Variants in GATAD2A observed in about 807,000 individuals in gnomAD.
GATAD2A encodes the protein transcriptional repressor p66-alpha.
GATAD2A carries 12 observed loss-of-function variants against 68.5 expected under a neutral mutation model. That is an observed-to-expected ratio of 0.18 (90% confidence interval 0.11 to 0.28). The LOEUF is 0.28. Ranked by LOEUF, GATAD2A falls within the 10% of genes least tolerant of loss-of-function variation. The pLI is 1.00. For missense variants in GATAD2A, 755 were observed against 868.5 expected (o/e 0.87, Z 1.64); for synonymous variants, 410 against 375.3 (o/e 1.09, Z -1.07).
chr19:19,427,390 C>G (rs2053223281), intron 1 of GATAD2A: 1 of 131,902 alleles, frequency 7.6e-6, no homozygotes, highest in Non-Finnish European at 1.5e-5. Context: ...AGCTTGGGGA[C>G]AAAGGGACAA....
At chr19:19,477,621 G>A (rs1291569154) in intron 2 of GATAD2A, among the ~76,000 whole-genome samples, 2 of 152,186 alleles carry the variant, frequency 1.3e-5, no homozygotes, top group African/African-American at 4.8e-5. Flanking sequence ...AAGGTGGTCT[G>A]GGATAGATTG....
chr19:19,465,506 C>T lies in GATAD2A; in HGVS notation c.161C>T (p.Ala54Val), dbSNP rs529638357. Residue 54 changes from alanine to valine, a missense_variant, in exon 2 of 12, where the codon GCA becomes GTA. By Grantham distance (64) the Ala-to-Val change is moderately conservative. Coordinates refer to ENST00000683918, the MANE Select transcript of GATAD2A (RefSeq NM_001384528.1). ...GDMRVTPEPG[A>V]GPTQGLLRAT... ...ATGAGGGTGACACCTGAGCCGGGAGCAGGTCCAACCCAAGGATTGCTGAGG... is the reference window on the plus strand; with the variant it reads ...ATGAGGGTGACACCTGAGCCGGGAGTAGGTCCAACCCAAGGATTGCTGAGG... The T allele has an allele frequency of 2.5e-6, 4 of 1,614,044 alleles. No individual in the cohort carries two copies. In the African/African-American group the frequency reaches 5.3e-5, roughly 22 times the overall value.
At chr19:19,418,833 G>A (rs1672225487) in intron 1 of GATAD2A, among the ~76,000 whole-genome samples, 1 of 152,142 alleles carries the variant, frequency 6.6e-6, no homozygotes, top group South Asian at 2.1e-4. Flanking sequence ...GTGGGGAGGG[G>A]TTGTGGTCGC....
chr19:19,465,696 G>A, intron 2 of GATAD2A, 82 bp downstream of exon 2: 2 of 1,478,824 alleles, frequency 1.4e-6, no homozygotes, highest in South Asian at 2.5e-5. Context: ...CACACTCCAG[G>A]CCTGTTGGTA....
At chr19:19,410,247 A>G (rs1600039008) in intron 1 of GATAD2A, among the ~76,000 whole-genome samples, 1 of 149,230 alleles carries the variant, frequency 6.7e-6, no homozygotes, top group Admixed American at 6.8e-5. Context: ...GCTGGAGGCT[A>G]GCTTCTGAGA....
At chr19:19,431,438 G>A (rs1345134820) in intron 1 of GATAD2A, among the ~76,000 whole-genome samples, 1 of 151,546 alleles carries the variant, frequency 6.6e-6, no homozygotes, top group Non-Finnish European at 1.5e-5. Context: ...GCTCACACCT[G>A]TAATCCCAGC....
chr19:19,405,620 T>C (rs1288005966), upstream of GATAD2A, among the ~76,000 whole-genome samples: 1 of 151,374 alleles, frequency 6.6e-6, no homozygotes, highest in South Asian at 2.1e-4. Flanking sequence ...CTTCTACGCC[T>C]GGAACCCCGC....
At chr19:19,405,655 GGCCCCGCCCCTCGGTC>G (rs939792243), upstream of GATAD2A, 8 of 151,790 alleles carry the variant, frequency 5.3e-5, no homozygotes, top group African/African-American at 1.9e-4. Context: ...CTTCTCGTCA[GGCCCCGCCCCTCGGTC>G]GCCACGCCCC....
chr19:19,443,297 A>G (rs555519621), intron 1 of GATAD2A, among the ~76,000 whole-genome samples: 1 of 152,232 alleles, frequency 6.6e-6, no homozygotes, highest in Admixed American at 6.5e-5. Context: ...ACCAAGCCTC[A>G]AGGTCTAGTT....
chr19:19,453,150 G>C (rs536307195), intron 1 of GATAD2A, among the ~76,000 whole-genome samples: 4 of 152,048 alleles, frequency 2.6e-5, no homozygotes, highest in East Asian at 3.9e-4. Context: ...GCTTCTCCTG[G>C]GCCCCCAGGC....
At chr19:19,403,953 T>C (rs1482780119), upstream of GATAD2A, among the ~76,000 whole-genome samples, 1 of 152,196 alleles carries the variant, frequency 6.6e-6, no homozygotes, top group African/African-American at 2.4e-5. Flanking sequence ...AATTTGAACA[T>C]TTGAATTTCT....
chr19:19,397,433 C>T (rs1191254396), intron 1 of GATAD2A, among the ~76,000 whole-genome samples: 1 of 152,014 alleles, frequency 6.6e-6, no homozygotes, highest in Non-Finnish European at 1.5e-5. Flanking sequence ...CCATGATGGT[C>T]AGGCTGGTCT....
intron 1 of GATAD2A, among the ~76,000 whole-genome samples, chr19:19,421,374 C>G (rs960295551): frequency 6.6e-6 from 1 of 151,592 alleles, no homozygotes; most frequent in East Asian, 1.9e-4. Context: ...CTCACCCCTT[C>G]TGGCCTGTAC....
In GATAD2A at chr19:19,505,696, T is replaced by C. The variant is rs762660312; in HGVS notation, c.*222T>C. On this transcript the variant is annotated 3_prime_UTR_variant, in exon 12 of 12. Transcript: ENST00000683918. Reference sequence around the variant, plus strand: ...CTCATAGGCAGACGAGGATCATCGCTGGGGGACCTTTCCCGTGGGCTTTCT... The same window carrying C: ...CTCATAGGCAGACGAGGATCATCGCCGGGGGACCTTTCCCGTGGGCTTTCT... 6.3e-6 allele frequency: 3 copies of C among 478,940 alleles called. No individual in the cohort carries two copies. Among genetic ancestry groups the C allele is most frequent in the East Asian group, 3.5e-5 (1 of 28,218 alleles). The allele number at this position is 478,940 out of a possible 1,614,324, so 29.7% of individuals were successfully genotyped here.
chr19:19,390,321 A>AC (rs760216724), intron 1 of GATAD2A, among the ~76,000 whole-genome samples: 1 of 151,956 alleles, frequency 6.6e-6, no homozygotes, highest in Non-Finnish European at 1.5e-5. Context: ...GAGATGATGA[A>AC]CTGGAGGTGG....
Position 19,507,425 on chromosome 19 carries a change from TC to T in GATAD2A, c.*1954del, listed in dbSNP as rs947281421. The T allele has an allele frequency of 2.0e-5, 3 of 152,186 alleles. No homozygotes were observed. Among genetic ancestry groups the T allele is most frequent in the Non-Finnish European group, 4.4e-5 (3 of 68,054 alleles). The allele number at this position is 152,186 out of a possible 1,614,324, so 9.4% of individuals were successfully genotyped here. A position where few individuals can be genotyped will look rare whatever the true frequency, so the allele number is the denominator to read the frequency against. On this transcript the variant is annotated 3_prime_UTR_variant, in exon 12 of 12. Coordinates refer to ENST00000683918, the MANE Select transcript of GATAD2A (RefSeq NM_001384528.1). ...AGAAGGAGCACCCAGGCTGGCTTCT[TC>T]CCACTGAAAGCCCTCCCCAGCGAAC...
intron 8 of GATAD2A, 71 bp from the exon 9 acceptor site, chr19:19,501,047 G>T: frequency 7.2e-7 from 1 of 1,385,322 alleles, no homozygotes; most frequent in Non-Finnish European, 1.0e-6. Context: ...CAGCATCCTG[G>T]GCTGGGGGCG....
intron 1 of GATAD2A, among the ~76,000 whole-genome samples, chr19:19,452,575 C>A (rs1266757938): frequency 5.9e-5 from 9 of 151,840 alleles, no homozygotes; most frequent in Admixed American, 5.9e-4. Context: ...CATAGATTGC[C>A]CCCAGGCCTG....
At chr19:19,390,809 T>C (rs913895839) in intron 1 of GATAD2A, among the ~76,000 whole-genome samples, 1 of 152,180 alleles carries the variant, frequency 6.6e-6, no homozygotes, top group Admixed American at 6.5e-5. Context: ...TCTTACACTT[T>C]AGAACCTTGA....
Sources: allele counts gnomAD v4.1 joint callset (sites outside exome capture counted in the v4.1 genomes callset), GRCh38; gene constraint gnomAD v4.1.1; transcripts MANE v1.5; gene names NCBI Gene and HGNC (gene_info 2026-07-23, HGNC 2026-07-21).